ABCA10: variants seen among roughly 807,000 people sequenced by gnomAD.
ABCA10 encodes ATP-binding cassette sub-family A member 10.
Under a neutral mutation model 187.5 loss-of-function variants are expected in ABCA10, and 169 were observed. The ratio of observed to expected loss-of-function variants is 0.90; its 90% CI spans 0.80 to 1.02. The LOEUF (loss-of-function observed/expected upper bound fraction) is 1.02. Among genes scored for constraint, ABCA10 ranks in the 50% least tolerant of loss-of-function variants. The pLI is 0.00. For synonymous variants in ABCA10, 574 were observed against 601.8 expected (o/e 0.95, Z 0.68); for missense variants, 1,727 against 1,812.4 (o/e 0.95, Z 0.86).
At chr17:69,196,545 AG>A in intron 11 of ABCA10, 1 of 169,872 alleles carries the variant, frequency 5.9e-6, no homozygotes, top group Non-Finnish European at 1.2e-5. Context: ...GGCCGGGCAG[AG>A]GGGCTCCTCA....
chr17:69,164,899 G>T, intron 26 of ABCA10, 65 bp downstream of exon 26: 1 of 1,525,260 alleles, frequency 6.6e-7, no homozygotes, highest in South Asian at 1.3e-5. Flanking sequence ...TTCCGACAAT[G>T]GGTAAGGATT....
At chr17:69,158,145 A>G (rs1034942745) in intron 27 of ABCA10, among the ~76,000 whole-genome samples, 42 of 152,040 alleles carry the variant, frequency 2.8e-4, no homozygotes, top group African/African-American at 9.9e-4. Flanking sequence ...TATGATGATA[A>G]TGGTTAAGCA....
rs1217312849 is a variant in ABCA10 at position 69,211,536 on chromosome 17, A to G, written c.1006+3168T>C. ...ATTCCCTCTTTCTCTATCTTTTGAA[A>G]TAGTGTCAATAGGATAGGTATCAAT... On this transcript the variant is annotated intron_variant, in intron 9 of 38. Transcript: ENST00000690296. 2.6e-5 allele frequency among the ~76,000 whole-genome samples: 4 copies of G among 151,574 alleles called. No homozygotes were observed. The South Asian group carries it at 6.3e-4, about 24-fold the overall frequency.
intron 28 of ABCA10, 59 bp downstream of exon 28, chr17:69,156,772 TA>T: frequency 9.4e-7 from 1 of 1,067,484 alleles, no homozygotes; most frequent in Non-Finnish European, 1.3e-6. Context: ...AATGAAATTA[TA>T]AATTTAAAAA....
Position 69,222,544 on chromosome 17 carries a change from G to A in ABCA10, c.188C>T (p.Ser63Phe), listed in dbSNP as rs746952034. 8.9e-6 allele frequency: 14 copies of A among 1,571,698 alleles called. No homozygotes were observed. In the South Asian group the frequency reaches 1.3e-4, roughly 15 times the overall value. Residue 63 changes from serine to phenylalanine, a missense_variant, in exon 4 of 39, where the codon TCT becomes TTT. By Grantham distance (155) the Ser-to-Phe change is radical. Transcript: ENST00000690296. ...GYRIPVIKEHSEYTEHCWAMH... is the reference protein window; with the variant it reads ...GYRIPVIKEHFEYTEHCWAMH... ...TTTTTTATAGTTACCTGTGTATTCA[G>A]AGTGCTCCTTTATAACTGGGATTCT...
intron 25 of ABCA10, among the ~76,000 whole-genome samples, chr17:69,170,667 T>A (rs2074291646): frequency 6.6e-6 from 1 of 152,078 alleles, no homozygotes; most frequent in Admixed American, 6.5e-5. Flanking sequence ...ATGTAACAGA[T>A]ACCCTAAAGG....
chr17:69,174,029 T>C (rs1333518645), intron 25 of ABCA10, among the ~76,000 whole-genome samples: 2 of 152,082 alleles, frequency 1.3e-5, no homozygotes, highest in East Asian at 3.9e-4. Flanking sequence ...GGTTCCTACA[T>C]ATATTTTACT....
chr17:69,177,197 C>G (rs2074340856), intron 22 of ABCA10, among the ~76,000 whole-genome samples: 2 of 152,192 alleles, frequency 1.3e-5, no homozygotes, highest in South Asian at 4.1e-4. Context: ...ATAAACTTTC[C>G]TTTTCAACTT....
At chr17:69,168,133 C>A (rs973376797) in intron 25 of ABCA10, among the ~76,000 whole-genome samples, 4 of 151,980 alleles carry the variant, frequency 2.6e-5, no homozygotes, top group Non-Finnish European at 5.9e-5. Context: ...CTCTAGCTTA[C>A]TTTATTGTGA....
At chr17:69,184,776 T>C (rs924698316) in intron 20 of ABCA10, among the ~76,000 whole-genome samples, 1 of 151,644 alleles carries the variant, frequency 6.6e-6, no homozygotes, top group Non-Finnish European at 1.5e-5. Flanking sequence ...CAGTTCACAA[T>C]TGTGAAAATA....
rs145841711 is a variant in ABCA10, at chr17:69,153,399, G to T, written c.4042C>A (p.Leu1348Met). 5 of 1,613,674 alleles carry T rather than the reference G, an allele frequency of 3.1e-6. No homozygotes were observed. The African/African-American group carries it at 5.3e-5, about 17-fold the overall frequency. Residue 1348 changes from leucine (L) to methionine (M), a missense_variant and splice_region_variant, in exon 34 of 39, where the codon CTG becomes ATG. By Grantham distance (15) the Leu-to-Met change is conservative (BLOSUM62 2). Coordinates refer to ENST00000690296, the MANE Select transcript of ABCA10 (RefSeq NM_001377321.1). ...KTLSEGIKRK[L>M]CFVLSILGNP... The stretch of plus-strand genomic sequence containing the variant: ...CCCAGGATGCTCAGCACAAAGCACA[G>T]CTGCAATGCAAGGAACAGCCCGTCG...
At position 69,214,854 on chromosome 17, in the gene ABCA10, G is replaced by A. The variant is rs1256971692; in HGVS notation, c.859-3C>T. Reference sequence around the variant, plus strand: ...AAGTAATTATCCAGGTGTGTAATCTGAGATTTAAAAGAAAAAATAAAATGT... The same window carrying A: ...AAGTAATTATCCAGGTGTGTAATCTAAGATTTAAAAGAAAAAATAAAATGT... On this transcript the variant is annotated splice_region_variant and splice_polypyrimidine_tract_variant and intron_variant, in intron 8 of 38. Coordinates refer to ENST00000690296, the MANE Select transcript of ABCA10 (RefSeq NM_001377321.1). 1.4e-6 allele frequency: 2 copies of A among 1,473,046 alleles called. No individual in the cohort carries two copies. The highest frequency in any genetic ancestry group is 2.8e-5 in the South Asian group (2 of 70,926). 91.2% of individuals were successfully genotyped at this position (1,473,046 alleles called of 1,614,324 possible). A position where few individuals can be genotyped will look rare whatever the true frequency, so the allele number is the denominator to read the frequency against.
At chr17:69,226,144 G>C (rs527812232) in intron 2 of ABCA10, among the ~76,000 whole-genome samples, 14 of 151,942 alleles carry the variant, frequency 9.2e-5, no homozygotes, top group Admixed American at 2.6e-4. Flanking sequence ...AGGGAACCAA[G>C]TTCTTAATTT....
rs183184266 is a variant in ABCA10 at position 69,152,582 on chromosome 17, A to T, written c.4137-101T>A. 5,147 of 1,481,190 alleles carry T rather than the reference A, an allele frequency of 3.5e-3. 14 individuals carry two copies. Among genetic ancestry groups the T allele is most frequent in the Non-Finnish European group, 4.4e-3 (4,835 of 1,105,938 alleles). 91.8% of individuals were successfully genotyped at this position (1,481,190 alleles called of 1,614,324 possible). ...TCTAAAGAGAAAATGTTATGTTAGG[A>T]TGCAAGAAACCTGTGCAACATGGTG... On this transcript the variant is annotated intron_variant, in intron 34 of 38. Coordinates refer to ENST00000690296, the MANE Select transcript of ABCA10 (RefSeq NM_001377321.1).
At chr17:69,222,263 G>C (rs189241394) in intron 4 of ABCA10, among the ~76,000 whole-genome samples, 19 of 151,694 alleles carry the variant, frequency 1.3e-4, no homozygotes, top group African/African-American at 3.9e-4. Flanking sequence ...ACTGGATCTC[G>C]GGAGGCAGCG....
chr17:69,164,829 A>G, intron 26 of ABCA10, 135 bp downstream of exon 26: 1 of 1,192,626 alleles, frequency 8.4e-7, no homozygotes, highest in Non-Finnish European at 1.2e-6. Flanking sequence ...TACAGCTTTA[A>G]AATCTTATTT....
chr17:69,221,672 G>A, intron 5 of ABCA10, 120 bp downstream of exon 5: 1 of 884,624 alleles, frequency 1.1e-6, no homozygotes, highest in Non-Finnish European at 1.7e-6. Context: ...TGTTTTCTCT[G>A]AGGATGACAG....
chr17:69,190,506 C>T (rs770870540), intron 17 of ABCA10, 29 bp from the exon 18 acceptor site: 2 of 1,531,326 alleles, frequency 1.3e-6, no homozygotes, highest in African/African-American at 1.4e-5. Context: ...TAAGTCAACG[C>T]AATTAAAATT....
At chr17:69,185,896 G>A (rs950913210) in intron 19 of ABCA10, among the ~76,000 whole-genome samples, 6 of 152,122 alleles carry the variant, frequency 3.9e-5, no homozygotes, top group African/African-American at 1.4e-4. Flanking sequence ...GCAATCCTCT[G>A]CAGGTATGCT....
Sources: gnomAD v4.1 joint callset for allele counts (sites outside exome capture counted in the v4.1 genomes callset) on GRCh38, gnomAD v4.1.1 for gene constraint, MANE v1.5 for transcripts, NCBI Gene and HGNC (gene_info 2026-07-23, HGNC 2026-07-21) for gene names.